ATM: variants seen among roughly 807,000 people sequenced by gnomAD.
The protein encoded by ATM is serine-protein kinase ATM.
In ATM, 308 loss-of-function variants were observed where a neutral mutation model predicts 387.0. That is an observed-to-expected ratio of 0.80 (90% CI 0.73 to 0.87). ATM has a LOEUF of 0.87. Ranked by LOEUF, ATM falls within the 40% of genes least tolerant of loss-of-function variation. The pLI, the probability that ATM is intolerant of heterozygous loss-of-function variation, is 0.00. For missense variants in ATM, 3,312 were observed against 3,560.9 expected (o/e 0.93, Z 1.78); for synonymous variants, 1,156 against 1,187.3 (o/e 0.97, Z 0.54).
intron 57 of ATM, 32 bp downstream of exon 57, chr11:108,343,403 A>T (rs752872041): frequency 6.8e-6 from 11 of 1,612,018 alleles, no homozygotes; most frequent in Non-Finnish European, 6.8e-6. Flanking sequence ...AGGTTATTGT[A>T]AGATTATTTA....
chr11:108,310,558 G>T (rs2084065066), intron 39 of ATM, among the ~76,000 whole-genome samples: 1 of 152,002 alleles, frequency 6.6e-6, no homozygotes, highest in Non-Finnish European at 1.5e-5. Context: ...ATTCCTATAG[G>T]ACAGAGTCCA....
At chr11:108,363,553 G>A (rs950187804) in intron 61 of ATM, among the ~76,000 whole-genome samples, 2 of 152,172 alleles carry the variant, frequency 1.3e-5, no homozygotes, top group Non-Finnish European at 2.9e-5. Flanking sequence ...GATGGGAGAT[G>A]AGGATAGTAT....
chr11:108,308,040 T>C (rs774000640), intron 38 of ATM, 56 bp downstream of exon 38: 43 of 1,476,288 alleles, frequency 2.9e-5, no homozygotes, highest in Middle Eastern at 1.7e-4. Flanking sequence ...ACTTGTTAAC[T>C]ATCGGCTGAA....
At chr11:108,362,089 A>G (rs1246790508) in intron 61 of ATM, among the ~76,000 whole-genome samples, 3 of 137,392 alleles carry the variant, frequency 2.2e-5, no homozygotes, top group Non-Finnish European at 4.7e-5. Flanking sequence ...AATGAACTCA[A>G]ACAAATTTAC....
At chr11:108,272,203 C>A (rs953137028) in intron 20 of ATM, among the ~76,000 whole-genome samples, 1 of 152,076 alleles carries the variant, frequency 6.6e-6, no homozygotes, top group Non-Finnish European at 1.5e-5. Flanking sequence ...CTTCAATATA[C>A]CAAACAAAGA....
chr11:108,293,768 C>G (rs556501473), intron 31 of ATM, among the ~76,000 whole-genome samples: 6 of 151,166 alleles, frequency 4.0e-5, no homozygotes, highest in African/African-American at 1.2e-4. Flanking sequence ...GAATCAGCTA[C>G]TCAGGTAGCT....
At chr11:108,293,661 G>A (rs919234788) in intron 31 of ATM, among the ~76,000 whole-genome samples, 184 bp downstream of exon 31, 13 of 151,804 alleles carry the variant, frequency 8.6e-5, no homozygotes, top group Non-Finnish European at 1.8e-4. Context: ...TGAGGCAGGA[G>A]GATTGCCTGA....
chr11:108,347,485 G>A, intron 59 of ATM, 120 bp downstream of exon 59: 1 of 848,586 alleles, frequency 1.2e-6, no homozygotes, highest in Non-Finnish European at 1.9e-6. Context: ...AGTAAATATT[G>A]GGTTTTTTTG....
At chr11:108,287,897 C>A (rs1281014409) in intron 27 of ATM, among the ~76,000 whole-genome samples, 182 bp downstream of exon 27, 1 of 152,178 alleles carries the variant, frequency 6.6e-6, no homozygotes, top group Non-Finnish European at 1.5e-5. Context: ...ATAGTCTCCC[C>A]ACAGTAATTA....
chr11:108,362,304 T>C (rs919769347), intron 61 of ATM, among the ~76,000 whole-genome samples: 1 of 150,844 alleles, frequency 6.6e-6, no homozygotes, highest in Non-Finnish European at 1.5e-5. Flanking sequence ...AAACAACAGG[T>C]GCTGGAGAGG....
At chr11:108,250,251 C>G (rs759919636) in intron 9 of ATM, among the ~76,000 whole-genome samples, 6 of 151,948 alleles carry the variant, frequency 3.9e-5, no homozygotes, top group Non-Finnish European at 7.4e-5. Flanking sequence ...CTCCCAGGTT[C>G]AAGCAGTTAT....
rs1351931225 is a variant in ATM, at chr11:108,366,798, C to T, written c.*1290C>T. On this transcript the variant is annotated 3_prime_UTR_variant, in exon 63 of 63. Transcript: ENST00000675843. ...CCTTTTTCACTGAGAGTATAAGCTT[C>T]CATGTGTCCCACCTTTATGGCAGGG... is the stretch of plus-strand genomic sequence containing the variant. 4.3e-6 allele frequency: 1 copy of T among 230,236 alleles called. No individual in the cohort carries two copies. Among genetic ancestry groups the T allele is most frequent in the African/African-American group, 2.2e-5 (1 of 45,174 alleles). 14.3% of individuals were successfully genotyped at this position (230,236 alleles called of 1,614,324 possible). A position where few individuals can be genotyped will look rare whatever the true frequency, so the allele number is the denominator to read the frequency against.
At chr11:108,242,996 G>C (rs1443474191) in intron 5 of ATM, among the ~76,000 whole-genome samples, 2 of 152,064 alleles carry the variant, frequency 1.3e-5, no homozygotes, top group African/African-American at 4.8e-5. Context: ...AAAGCAGGTG[G>C]ATCACTTGAG....
Position 108,293,324 on chromosome 11 carries a change from G to T in ATM, c.4623G>T (p.Leu1541Phe), listed in dbSNP as rs3092849. 1 of 1,551,396 alleles carries T rather than the reference G, an allele frequency of 6.4e-7. No individual in the cohort carries two copies. The highest frequency in any genetic ancestry group is 2.3e-5 in the East Asian group (1 of 44,330). Reference protein sequence around the residue: ...QVEVQKQVLDLLKYLVIDNKD... With the variant: ...QVEVQKQVLDFLKYLVIDNKD... ...TAAATTATATTTAGGTATTGGACTT[G>T]TTGAAATACTTAGTGATAGATAACA... The change falls in exon 31 of 63, where the codon TTG becomes TTT. Residue 1541 changes from leucine (L) to phenylalanine (F), a missense_variant. Coordinates refer to ENST00000675843, the MANE Select transcript of ATM (RefSeq NM_000051.4).
In ATM at chr11:108,248,946, A is replaced by T. The variant is rs775767808; in HGVS notation, c.1079A>T (p.Asp360Val). 1 of 1,607,174 alleles carries T rather than the reference A, an allele frequency of 6.2e-7. No homozygotes were observed. The highest frequency in any genetic ancestry group is 1.7e-5 in the Admixed American group (1 of 59,330). Residue 360 changes from aspartate (D) to valine (V), a missense_variant, in exon 9 of 63, where the codon GAT (aspartate) becomes GTT (valine). Around this residue, in one of 4 missense-constraint regions of ATM, gnomAD observed 1,791 missense variants for 1,804.5 expected, o/e 0.99. Transcript: ENST00000675843. ...ADICHQVFNE[D>V]TRSLEISQSY... is the part of the protein sequence containing the mutation. ...TTTATTTTACAGGTTTTTAATGAAG[A>T]TACCAGATCCTTGGAGATTTCTCAA...
At chr11:108,249,178 A>G (rs2135298126) in intron 9 of ATM, 76 bp downstream of exon 9, 1 of 1,518,088 alleles carries the variant, frequency 6.6e-7, no homozygotes, top group African/African-American at 1.4e-5. Context: ...TTTCAGTGGA[A>G]TCCTTTCATC....
Position 108,335,096 on chromosome 11 carries a change from G to A in ATM, c.8138G>A (p.Arg2713Lys), listed in dbSNP as rs876659351. The A allele has an allele frequency of 6.2e-7, 1 of 1,614,060 alleles. No homozygotes were observed. Among genetic ancestry groups the A allele is most frequent in the Non-Finnish European group, 8.5e-7 (1 of 1,179,978 alleles). Residue 2713 changes from arginine (R) to lysine (K), a missense_variant, in exon 55 of 63, where the codon AGA becomes AAA. Transcript: ENST00000675843. ...GTAGGTTCCGATGGCAAGGAGAGGA[G>A]ACAGCTTGTTAAGGTGAGCCTTCCC... ...DCVGSDGKER[R>K]QLVKGRDDLR...
intron 4 of ATM, 22 bp downstream of exon 4, chr11:108,229,345 A>G (rs778546616): frequency 6.2e-7 from 1 of 1,608,332 alleles, no homozygotes; most frequent in South Asian, 1.1e-5. Flanking sequence ...TATAAATTAT[A>G]AATAAATGGC....
rs1045549048 is a variant in ATM at position 108,252,862 on chromosome 11, T to C, written c.1848T>C (p.Thr616=). ...TGGAGAAAATTCTTGTGAGTCTCACTATGAAAAACTGTAAAGCTGCAATGA... is the reference window on the plus strand; with the variant it reads ...TGGAGAAAATTCTTGTGAGTCTCACCATGAAAAACTGTAAAGCTGCAATGA... ...LVLEKILVSL[T]MKNCKAAMNF... Residue 616 remains threonine (T), a synonymous_variant, in exon 12 of 63, where the codon ACT becomes ACC. Transcript: ENST00000675843. 3.7e-6 allele frequency: 6 copies of C among 1,613,170 alleles called. No homozygotes were observed. The highest frequency in any genetic ancestry group is 5.1e-6 in the Non-Finnish European group (6 of 1,179,418).
Sources: gnomAD v4.1 joint callset for allele counts (sites outside exome capture counted in the v4.1 genomes callset) on GRCh38, gnomAD v4.1.1 for gene constraint, gnomAD v4.1.1 regional missense constraint, MANE v1.5 for transcripts, NCBI Gene and HGNC (gene_info 2026-07-23, HGNC 2026-07-21) for gene names.